Variants in PRKN observed in about 807,000 individuals in gnomAD.
The protein encoded by PRKN is parkin RBR E3 ubiquitin protein ligase.
PRKN carries 56 observed loss-of-function variants against 59.5 expected under a neutral mutation model. That is an observed-to-expected ratio of 0.94 (90% CI 0.76 to 1.18). The LOEUF is 1.18. PRKN is among the 50% of genes most tolerant of loss of function. The pLI is 0.00. For synonymous variants in PRKN, 250 were observed against 222.1 expected, an observed-to-expected ratio of 1.13 and a Z score of -1.12; for missense variants, 657 against 596.4, an observed-to-expected ratio of 1.10 and a Z score of -1.06.
chr6:161,937,587 T>A (rs1341093674), intron 6 of PRKN, among the ~76,000 whole-genome samples: 1 of 152,234 alleles, frequency 6.6e-6, no homozygotes, highest in Non-Finnish European at 1.5e-5. Flanking sequence ...AGTTATCTCC[T>A]GGGCATGGGT....
intron 1 of PRKN, among the ~76,000 whole-genome samples, chr6:162,619,127 C>A (rs1233337616): frequency 6.8e-6 from 1 of 146,722 alleles, no homozygotes; most frequent in Non-Finnish European, 1.5e-5. Context: ...TTAAACATAT[C>A]TAATCCAGTA....
At chr6:162,280,438 T>C (rs1203340482) in intron 2 of PRKN, among the ~76,000 whole-genome samples, 2 of 152,014 alleles carry the variant, frequency 1.3e-5, no homozygotes, top group Non-Finnish European at 2.9e-5. Context: ...GGGAAAGATC[T>C]AGAATTGACA....
intron 6 of PRKN, among the ~76,000 whole-genome samples, chr6:161,800,896 AATCTGCAGAATG>A (rs1470837794): frequency 6.6e-5 from 10 of 152,236 alleles, no homozygotes; most frequent in East Asian, 1.9e-4. Flanking sequence ...TCACTATTTT[AATCTGCAGAATG>A]ATCTGCAGAA....
chr6:161,559,752 G>T (rs541200091), intron 8 of PRKN, among the ~76,000 whole-genome samples: 6 of 152,176 alleles, frequency 3.9e-5, no homozygotes, highest in Non-Finnish European at 8.8e-5. Flanking sequence ...TTTGTGTAAG[G>T]CTACGGGTGG....
At chr6:162,309,247 C>T (rs947237546) in intron 2 of PRKN, among the ~76,000 whole-genome samples, 6 of 152,140 alleles carry the variant, frequency 3.9e-5, no homozygotes, top group Non-Finnish European at 5.9e-5. Context: ...TCACTGCAAC[C>T]TACGACTCCC....
intron 9 of PRKN, among the ~76,000 whole-genome samples, chr6:161,500,494 T>C (rs1457099840): frequency 3.3e-5 from 5 of 152,174 alleles, no homozygotes; most frequent in Non-Finnish European, 7.3e-5. Context: ...CAATCATGGA[T>C]CTTTTTACTG....
At position 161,554,350 on chromosome 6, in the gene PRKN, G is replaced by A. The variant is rs1780149237; in HGVS notation, c.934-5347C>T. 6.6e-6 allele frequency among the ~76,000 whole-genome samples: 1 copy of A among 150,736 alleles called. No individual in the cohort carries two copies. Among genetic ancestry groups the A allele is most frequent in the African/African-American group, 2.4e-5 (1 of 40,916 alleles). ...TGTATCCACACTGTTAACACATGCG[G>A]CCATTTCGAACTATGCTGTCTTTCT... is the stretch of plus-strand genomic sequence containing the variant. On this transcript the variant is annotated intron_variant, in intron 8 of 11. Transcript: ENST00000366898. This position sits in a 1 kb window ranked among gnomAD's most constrained non-coding sequence, Gnocchi z 4.5.
chr6:162,547,347 TC>T lies in PRKN; in HGVS notation c.8-103875del. Among the ~76,000 whole-genome samples the T allele has an allele frequency of 3.9e-5, 6 of 152,296 alleles. No individual in the cohort carries two copies. In the East Asian group the frequency reaches 1.2e-3, roughly 29 times the overall value. ...TGAGGGCATGGCAAGATTTACTAAG[TC>T]TTGTTTCTCATGTTACAGCCAAATT... On this transcript the variant is annotated intron_variant, in intron 1 of 11. Transcript: ENST00000366898.
In PRKN at chr6:161,716,175, C is replaced by T; in HGVS notation, c.871+69597G>A. ...GAGGAGACTGGGTTAATTTGATGCT[C>T]ACAGCAACCTTGTATCTGATGCTCT... On this transcript the variant is annotated intron_variant, in intron 7 of 11. Transcript: ENST00000366898. 3.0e-6 allele frequency: 3 copies of T among 994,894 alleles called. 1 individual carries two copies. Among genetic ancestry groups the T allele is most frequent in the African/African-American group, 3.4e-5 (2 of 58,198 alleles). The allele number at this position is 994,894 out of a possible 1,614,324, so 61.6% of individuals were successfully genotyped here.
chr6:162,589,236 C>T (rs180940812), intron 1 of PRKN, among the ~76,000 whole-genome samples: 4 of 152,206 alleles, frequency 2.6e-5, no homozygotes, highest in African/African-American at 7.2e-5. Context: ...GTCATACCTA[C>T]GCAGATTTTA....
chr6:162,628,876 T>C (rs2128222214), intron 1 of PRKN, among the ~76,000 whole-genome samples: 1 of 152,272 alleles, frequency 6.6e-6, no homozygotes, highest in East Asian at 1.9e-4. Flanking sequence ...CACTAGAGTT[T>C]AACCTTAACC....
intron 1 of PRKN, among the ~76,000 whole-genome samples, chr6:162,612,849 G>A (rs767530622): frequency 6.6e-6 from 1 of 152,080 alleles, no homozygotes; most frequent in Non-Finnish European, 1.5e-5. Context: ...GGCCCACAGA[G>A]GGCACCTTGC....
intron 1 of PRKN, among the ~76,000 whole-genome samples, chr6:162,453,659 T>C: frequency 6.6e-6 from 1 of 152,088 alleles, no homozygotes. Flanking sequence ...TCCCAGAAGT[T>C]TGGGAGGCTG....
chr6:162,340,372 T>C (rs934362302), intron 2 of PRKN, among the ~76,000 whole-genome samples: 1 of 152,190 alleles, frequency 6.6e-6, no homozygotes, highest in African/African-American at 2.4e-5. Context: ...AAAAGTGAAC[T>C]TCTTAAAGGT....
chr6:162,684,562 T>G (rs911144851), intron 1 of PRKN, among the ~76,000 whole-genome samples: 1 of 152,152 alleles, frequency 6.6e-6, no homozygotes, highest in African/African-American at 2.4e-5. Context: ...AGCTGAGTAT[T>G]TGGAGTCAGA....
chr6:161,912,596 G>C (rs939839606), intron 6 of PRKN, among the ~76,000 whole-genome samples: 1 of 151,952 alleles, frequency 6.6e-6, no homozygotes, highest in Admixed American at 6.6e-5. Context: ...GGTATGGAGG[G>C]GCCACGTGGA....
intron 9 of PRKN, among the ~76,000 whole-genome samples, chr6:161,479,685 G>A (rs1004440961): frequency 2.0e-4 from 31 of 152,324 alleles, no homozygotes; most frequent in African/African-American, 6.3e-4. Context: ...CTTTTAAAAG[G>A]TAAGTGATTT....
chr6:161,504,885 T>C (rs192437126), intron 9 of PRKN, among the ~76,000 whole-genome samples: 13,860 of 148,572 alleles, frequency 0.093, 788 homozygotes, highest in African/African-American at 0.16. Flanking sequence ...TAGTATTCCA[T>C]GGTGTATATG....
chr6:162,354,157 T>C (rs2128131917), intron 2 of PRKN, among the ~76,000 whole-genome samples: 1 of 152,282 alleles, frequency 6.6e-6, no homozygotes, highest in Admixed American at 6.5e-5. Context: ...TCTGGACCAT[T>C]CTCAACCGAA....
Sources: gnomAD v4.1 joint callset for allele counts (sites outside exome capture counted in the v4.1 genomes callset) on GRCh38, gnomAD v4.1.1 for gene constraint, Gnocchi (gnomAD v3.1) non-coding constraint, MANE v1.5 for transcripts, NCBI Gene and HGNC (gene_info 2026-07-23, HGNC 2026-07-21) for gene names.